SPAG16: variants seen among roughly 807,000 people sequenced by gnomAD.
SPAG16 encodes the protein sperm-associated antigen 16 protein.
In SPAG16, 86 loss-of-function variants were observed where a neutral mutation model predicts 80.4. That is an observed-to-expected ratio of 1.07 (90% CI 0.90 to 1.28). SPAG16 has a LOEUF of 1.28. Among genes scored for constraint, SPAG16 ranks in the 50% most tolerant of loss-of-function variants. The pLI, the probability that SPAG16 is intolerant of heterozygous loss-of-function variation, is 0.00. For synonymous variants in SPAG16, 294 were observed against 265.9 expected, an observed-to-expected ratio of 1.11 and a Z score of -1.03; for missense variants, 870 against 765.3, an observed-to-expected ratio of 1.14 and a Z score of -1.61.
chr2:213,451,415 T>G (rs927296102), intron 9 of SPAG16, among the ~76,000 whole-genome samples: 1 of 152,150 alleles, frequency 6.6e-6, no homozygotes, highest in Non-Finnish European at 1.5e-5. Context: ...GCCAACTTCT[T>G]AATTGAACCT....
chr2:214,106,267 A>G (rs1310910364), intron 13 of SPAG16, among the ~76,000 whole-genome samples: 1 of 152,144 alleles, frequency 6.6e-6, no homozygotes, highest in East Asian at 1.9e-4. Flanking sequence ...AATATAAAAA[A>G]CTATGACATC....
At chr2:214,062,260 A>G (rs1216373452) in intron 13 of SPAG16, among the ~76,000 whole-genome samples, 1 of 151,946 alleles carries the variant, frequency 6.6e-6, no homozygotes, top group Non-Finnish European at 1.5e-5. Context: ...TCTCTATTAA[A>G]AATACAAAAA....
chr2:213,829,227 C>T (rs1264987637), intron 10 of SPAG16, among the ~76,000 whole-genome samples: 1 of 152,078 alleles, frequency 6.6e-6, no homozygotes, highest in African/African-American at 2.4e-5. Flanking sequence ...AAAGTTCTTC[C>T]CACTTTTTTC....
intron 15 of SPAG16, among the ~76,000 whole-genome samples, chr2:214,180,821 A>C (rs2057287533): frequency 6.6e-6 from 1 of 151,688 alleles, no homozygotes. Flanking sequence ...TTAACAACTC[A>C]TATTGAATCT....
intron 14 of SPAG16, among the ~76,000 whole-genome samples, chr2:214,118,191 A>T (rs1197643437): frequency 6.6e-6 from 1 of 152,210 alleles, no homozygotes; most frequent in Non-Finnish European, 1.5e-5. Flanking sequence ...ACATTTCTAT[A>T]TGCAATAGCA....
intron 7 of SPAG16, among the ~76,000 whole-genome samples, chr2:213,358,724 G>C (rs991348369): frequency 6.6e-6 from 1 of 152,128 alleles, no homozygotes; most frequent in Non-Finnish European, 1.5e-5. Context: ...GCTTGGAGAA[G>C]TTTGTTATTA....
At chr2:214,288,452 G>A (rs1199795765) in intron 15 of SPAG16, among the ~76,000 whole-genome samples, 78 of 152,078 alleles carry the variant, frequency 5.1e-4, no homozygotes, top group Admixed American at 5.1e-3. Context: ...CCAGTAGTGG[G>A]ATTGCTGAAT....
intron 11 of SPAG16, among the ~76,000 whole-genome samples, chr2:213,865,618 GA>G (rs1160039263): frequency 6.7e-6 from 1 of 149,562 alleles, no homozygotes; most frequent in Admixed American, 6.7e-5. Context: ...AATGAGAATA[GA>G]AAAAGGATGT....
chr2:213,862,694 C>T (rs1204824074), intron 11 of SPAG16, 66 bp downstream of exon 11: 8 of 1,541,518 alleles, frequency 5.2e-6, no homozygotes, highest in Non-Finnish European at 7.1e-6. Flanking sequence ...ACTCTGTCTG[C>T]TCACTCTGCT....
At chr2:213,978,068 C>A (rs1200658702) in intron 12 of SPAG16, among the ~76,000 whole-genome samples, 4 of 151,494 alleles carry the variant, frequency 2.6e-5, no homozygotes, top group African/African-American at 4.8e-5. Flanking sequence ...CTATGAGACA[C>A]CCCTTTTAAC....
chr2:214,288,214 A>G (rs985993660), intron 15 of SPAG16, among the ~76,000 whole-genome samples: 1 of 152,124 alleles, frequency 6.6e-6, no homozygotes, highest in Non-Finnish European at 1.5e-5. Context: ...TTAATGTAAC[A>G]ACTTCCAGTT....
At chr2:213,865,399 T>C (rs2075644736) in intron 11 of SPAG16, among the ~76,000 whole-genome samples, 1 of 151,864 alleles carries the variant, frequency 6.6e-6, no homozygotes. Context: ...CTATAAACTT[T>C]CATTACATAG....
At chr2:213,426,105 T>C (rs948982799) in intron 9 of SPAG16, among the ~76,000 whole-genome samples, 1 of 152,256 alleles carries the variant, frequency 6.6e-6, no homozygotes, top group African/African-American at 2.4e-5. Context: ...CTGGCAGTTT[T>C]CATTTTATGA....
rs1156303216 is a variant in SPAG16 at position 213,918,033 on chromosome 2, GT to G, written c.1215-11922del. Among the ~76,000 whole-genome samples the G allele has an allele frequency of 2.6e-5, 4 of 152,214 alleles. 1 individual carries two copies. In the South Asian group the frequency reaches 6.2e-4, roughly 24 times the overall value. ...CTGCATCTATTGAGATAATCATCTG[GT>G]TTTTCTTTTTAGTTCTGTTTATGTG... On this transcript the variant is annotated intron_variant, in intron 11 of 15. Coordinates refer to ENST00000331683, the MANE Select transcript of SPAG16 (RefSeq NM_024532.5).
intron 9 of SPAG16, among the ~76,000 whole-genome samples, chr2:213,377,559 G>A (rs931961985): frequency 6.6e-6 from 1 of 152,132 alleles, no homozygotes; most frequent in Non-Finnish European, 1.5e-5. Context: ...CCTCAGCTGA[G>A]GACTTCTTTG....
At chr2:213,912,726 C>T (rs926739171) in intron 11 of SPAG16, among the ~76,000 whole-genome samples, 1 of 152,094 alleles carries the variant, frequency 6.6e-6, no homozygotes, top group African/African-American at 2.4e-5. Context: ...CAGAATGTAC[C>T]TGTGTAGGAC....
chr2:213,600,488 T>A (rs16850507), intron 10 of SPAG16, among the ~76,000 whole-genome samples: 8,822 of 152,264 alleles, frequency 0.058, 838 homozygotes, highest in African/African-American at 0.2. Flanking sequence ...AGCTCTTCTA[T>A]GTTCCTAGTA....
chr2:214,119,139 C>T (rs552473949), intron 14 of SPAG16, among the ~76,000 whole-genome samples: 2 of 151,992 alleles, frequency 1.3e-5, no homozygotes, highest in Non-Finnish European at 2.9e-5. Context: ...AAAAAAGATT[C>T]ACAGAAACAG....
intron 10 of SPAG16, among the ~76,000 whole-genome samples, chr2:213,698,516 C>A (rs1396109473): frequency 6.6e-6 from 1 of 152,190 alleles, no homozygotes; most frequent in Non-Finnish European, 1.5e-5. Flanking sequence ...CCTTCCTCAG[C>A]CTCCCAAAAC....
Sources: gnomAD v4.1 joint callset for allele counts (sites outside exome capture counted in the v4.1 genomes callset) on GRCh38, gnomAD v4.1.1 for gene constraint, MANE v1.5 for transcripts, NCBI Gene and HGNC (gene_info 2026-07-23, HGNC 2026-07-21) for gene names.